The following STARD13 variants were observed in gnomAD, a reference collection of about 807,000 sequenced individuals.
STARD13 encodes the protein stAR-related lipid transfer protein 13.
In STARD13, 62 loss-of-function variants were observed where a neutral mutation model predicts 106.4. The observed-to-expected ratio is 0.58, with a 90% confidence interval of 0.48 to 0.72. STARD13 has a LOEUF of 0.72. STARD13 is among the 30% of genes least tolerant of loss of function. The pLI is 0.00. For synonymous variants in STARD13, 565 were observed against 553.0 expected, an observed-to-expected ratio of 1.02 and a Z score of -0.31; for missense variants, 1,387 against 1,424.0, an observed-to-expected ratio of 0.97 and a Z score of 0.42.
the STARD13 span, among the ~76,000 whole-genome samples, chr13:33,621,585 CAGA>C: frequency 7.0e-6 from 1 of 143,412 alleles, no homozygotes; most frequent in South Asian, 2.2e-4. Context: ...GAGGCTGAGG[CAGA>C]AGAATGGCGT....
the STARD13 span, among the ~76,000 whole-genome samples, chr13:33,450,691 G>A: frequency 1.3e-5 from 2 of 152,176 alleles, no homozygotes; most frequent in Non-Finnish European, 2.9e-5. Flanking sequence ...AGAGGCAGAA[G>A]TAGTGGACAT....
chr13:33,468,739 C>T, the STARD13 span, among the ~76,000 whole-genome samples: 2 of 152,300 alleles, frequency 1.3e-5, no homozygotes, highest in Admixed American at 6.5e-5. Flanking sequence ...TTATAAGTTA[C>T]CCAGTTCCAT....
chr13:33,543,577 A>C, the STARD13 span, among the ~76,000 whole-genome samples: 2 of 152,236 alleles, frequency 1.3e-5, no homozygotes, highest in South Asian at 4.1e-4. Flanking sequence ...ATAATGAAAC[A>C]AATTTCCTTT....
At chr13:33,528,288 TGA>T in the STARD13 span, among the ~76,000 whole-genome samples, 1 of 114,882 alleles carries the variant, frequency 8.7e-6, no homozygotes, top group African/African-American at 4.8e-5. Context: ...TTTTTTTTTT[TGA>T]GATGCAGTCT....
At chr13:33,161,710 A>G (rs1882646717) in intron 3 of STARD13, among the ~76,000 whole-genome samples, 1 of 152,114 alleles carries the variant, frequency 6.6e-6, no homozygotes, top group Non-Finnish European at 1.5e-5. Context: ...ATTTTACTTT[A>G]TATATATATG....
chr13:33,551,149 G>A, the STARD13 span, among the ~76,000 whole-genome samples: 1 of 152,030 alleles, frequency 6.6e-6, no homozygotes, highest in African/African-American at 2.4e-5. Context: ...GGCATCACAG[G>A]CAACCCGCCA....
intron 1 of STARD13, among the ~76,000 whole-genome samples, chr13:33,258,391 C>T (rs1013290096): frequency 5.9e-5 from 9 of 151,866 alleles, no homozygotes; most frequent in South Asian, 2.1e-4. Flanking sequence ...AACTGGATTT[C>T]GATTCAACTT....
At chr13:33,128,704 C>G (rs569885477) in intron 5 of STARD13, among the ~76,000 whole-genome samples, 1 of 152,028 alleles carries the variant, frequency 6.6e-6, no homozygotes, top group African/African-American at 2.4e-5. Context: ...AAACTAGGAA[C>G]AAAATAAAGG....
the STARD13 span, among the ~76,000 whole-genome samples, chr13:33,458,780 C>T: frequency 6.7e-6 from 1 of 149,276 alleles, no homozygotes; most frequent in African/African-American, 2.5e-5. Context: ...CCTCTGGGCG[C>T]TTCTGAGTGA....
intron 1 of STARD13, among the ~76,000 whole-genome samples, chr13:33,215,491 T>C (rs1162067667): frequency 6.6e-6 from 1 of 152,218 alleles, no homozygotes; most frequent in Non-Finnish European, 1.5e-5. Context: ...CTTTTTTTAC[T>C]CTGTTCTTTT....
At chr13:33,564,911 T>C in the STARD13 span, among the ~76,000 whole-genome samples, 1 of 142,092 alleles carries the variant, frequency 7.0e-6, no homozygotes, top group Admixed American at 7.4e-5. Context: ...GAGAATGGCT[T>C]GAACCTGGGA....
chr13:33,676,446 A>T, the STARD13 span, among the ~76,000 whole-genome samples: 2 of 152,198 alleles, frequency 1.3e-5, no homozygotes, highest in Non-Finnish European at 2.9e-5. Context: ...AGTACAACAA[A>T]TCTACATGAC....
At chr13:33,557,477 A>T in the STARD13 span, among the ~76,000 whole-genome samples, 1 of 152,168 alleles carries the variant, frequency 6.6e-6, no homozygotes, top group Non-Finnish European at 1.5e-5. Context: ...TTATTCAGGG[A>T]AATTATTGCT....
At chr13:33,409,722 C>T in the STARD13 span, among the ~76,000 whole-genome samples, 5 of 152,190 alleles carry the variant, frequency 3.3e-5, no homozygotes, top group Non-Finnish European at 7.3e-5. Flanking sequence ...GGAAGTTAGC[C>T]TAGTACCTGC....
chr13:33,579,652 T>A, the STARD13 span, among the ~76,000 whole-genome samples: 2 of 149,018 alleles, frequency 1.3e-5, no homozygotes, highest in Non-Finnish European at 3.0e-5. Context: ...ATATATAATT[T>A]ATATATTATA....
the STARD13 span, among the ~76,000 whole-genome samples, chr13:33,605,518 T>A: frequency 3.9e-5 from 6 of 151,998 alleles, no homozygotes; most frequent in African/African-American, 1.4e-4. Context: ...TGCAGTAGGG[T>A]AACAACAACA....
intron 1 of STARD13, among the ~76,000 whole-genome samples, chr13:33,178,705 C>T (rs764123789): frequency 7.9e-5 from 12 of 152,164 alleles, no homozygotes; most frequent in Non-Finnish European, 1.8e-4. Flanking sequence ...TATGTAACAG[C>T]TGTTTCACTT....
upstream of STARD13, among the ~76,000 whole-genome samples, chr13:33,353,488 T>C (rs1353253794): frequency 2.6e-5 from 4 of 152,184 alleles, no homozygotes; most frequent in East Asian, 1.9e-4. Flanking sequence ...TGGCCTCACA[T>C]GGTCCTTCTT....
the STARD13 span, among the ~76,000 whole-genome samples, chr13:33,410,215 G>T: frequency 6.6e-6 from 1 of 152,218 alleles, no homozygotes; most frequent in African/African-American, 2.4e-5. Flanking sequence ...TTAGGTCATT[G>T]TCAGATGATT....
Sources: gnomAD v4.1 joint callset for allele counts (sites outside exome capture counted in the v4.1 genomes callset) on GRCh38, gnomAD v4.1.1 for gene constraint, MANE v1.5 for transcripts, NCBI Gene and HGNC (gene_info 2026-07-23, HGNC 2026-07-21) for gene names.